The following RPS19 variants were observed in gnomAD, a reference collection of about 807,000 sequenced individuals.
RPS19 encodes the protein ribosomal protein S19, also known as small ribosomal subunit protein eS19.
A neutral mutation model predicts 20.3 loss-of-function variants in RPS19; 1 was observed. The ratio of observed to expected loss-of-function variants is 0.05; its 90% CI spans 0.02 to 0.23. The LOEUF is 0.23. RPS19 is among the 10% of genes least tolerant of loss of function. RPS19 has a pLI of 1.00. For synonymous variants in RPS19, 87 were observed against 74.8 expected (o/e 1.16, Z -0.84); for missense variants, 111 against 192.7 (o/e 0.58, Z 2.51).
chr19:41,867,483 TG>T (rs1393765720), intron 3 of RPS19, among the ~76,000 whole-genome samples: 3 of 152,050 alleles, frequency 2.0e-5, no homozygotes, highest in African/African-American at 7.2e-5. Flanking sequence ...CTAATTTTCT[TG>T]TAATTTCAGT....
rs777408503 is a variant in RPS19 at position 41,869,443 on chromosome 19, G to A, written c.356+229G>A. On this transcript the variant is annotated intron_variant, in intron 4 of 5. Transcript: ENST00000598742. ...ATTTAGCGACTATCTGCTTTCATTA[G>A]CCTGCTCGTTAACTTTTCCCAATTG... is the stretch of plus-strand genomic sequence containing the variant. Among the ~76,000 whole-genome samples, 29 of 152,326 alleles carry A rather than the reference G, an allele frequency of 1.9e-4. 2 individuals are homozygous for A. The highest frequency in any genetic ancestry group is 3.7e-4 in the Non-Finnish European group (25 of 68,026).
In RPS19 at chr19:41,865,226, G is replaced by A. The variant is rs984905440; in HGVS notation, c.173-3805G>A. ...TACTAAAAATAAAAATTAGCCAGGC[G>A]TGGTAGCAGGCGCCTGTAGTCCCAG... On this transcript the variant is annotated intron_variant, in intron 3 of 5. Coordinates refer to ENST00000598742, the MANE Select transcript of RPS19 (RefSeq NM_001022.4). Among the ~76,000 whole-genome samples the A allele has an allele frequency of 1.1e-4, 17 of 151,826 alleles. No homozygotes were observed. In the East Asian group the frequency reaches 1.7e-3, roughly 16 times the overall value.
rs187990365 is a variant in RPS19, at chr19:41,871,220, T to C, written c.412-131T>C. On this transcript the variant is annotated intron_variant, in intron 5 of 5. Transcript: ENST00000598742. Reference sequence around the variant, plus strand: ...AATGGGGGAATACCCACAGTGAGAATTAGATGAGATAGATGCATTTGAAAC... The same window carrying C: ...AATGGGGGAATACCCACAGTGAGAACTAGATGAGATAGATGCATTTGAAAC... 2.8e-3 allele frequency: 2,230 copies of C among 806,928 alleles called. 3 individuals carry two copies. The highest frequency in any genetic ancestry group is 3.3e-3 in the Non-Finnish European group (1,492 of 447,256). 50.0% of individuals were successfully genotyped at this position (806,928 alleles called of 1,614,324 possible).
At chr19:41,866,860 C>G (rs1277032664) in intron 3 of RPS19, among the ~76,000 whole-genome samples, 2 of 151,650 alleles carry the variant, frequency 1.3e-5, no homozygotes, top group Non-Finnish European at 2.9e-5. Flanking sequence ...ACTAAAAATA[C>G]AAAAAAATTA....
Position 41,871,504 on chromosome 19 carries a change from C to A in RPS19, c.*127C>A. 1.3e-6 allele frequency: 1 copy of A among 798,564 alleles called. No individual in the cohort carries two copies. The highest frequency in any genetic ancestry group is 2.7e-5 in the East Asian group (1 of 37,106). 49.5% of individuals were successfully genotyped at this position (798,564 alleles called of 1,614,324 possible). ...CCATCTCAGCTCACTGCAATCTCCG[C>A]CTTCTGGGTTCAAATGATTCTCCTG... On this transcript the variant is annotated 3_prime_UTR_variant, in exon 6 of 6. Coordinates refer to ENST00000598742, the MANE Select transcript of RPS19 (RefSeq NM_001022.4).
chr19:41,861,308 A>G (rs2074029424), intron 3 of RPS19, 96 bp downstream of exon 3: 1 of 885,698 alleles, frequency 1.1e-6, no homozygotes, highest in Non-Finnish European at 1.9e-6. Flanking sequence ...TTCCCGCCCC[A>G]AGAGGGAGAG....
chr19:41,867,139 G>A (rs1380010894), intron 3 of RPS19, among the ~76,000 whole-genome samples: 1 of 151,280 alleles, frequency 6.6e-6, no homozygotes, highest in Non-Finnish European at 1.5e-5. Flanking sequence ...TGGCAAAACC[G>A]GGTCTCTTCA....
At chr19:41,862,317 C>T (rs1378523395) in intron 3 of RPS19, among the ~76,000 whole-genome samples, 1 of 152,184 alleles carries the variant, frequency 6.6e-6, no homozygotes, top group Non-Finnish European at 1.5e-5. Context: ...CAGCATAACT[C>T]AGCCGCGGCC....
At chr19:41,868,563 C>G in intron 3 of RPS19, among the ~76,000 whole-genome samples, 1 of 152,158 alleles carries the variant, frequency 6.6e-6, no homozygotes, top group African/African-American at 2.4e-5. Flanking sequence ...GCCAGCCTTC[C>G]CTGTGTCTGC....
chr19:41,868,263 TC>T (rs567829487), intron 3 of RPS19, among the ~76,000 whole-genome samples: 68 of 152,260 alleles, frequency 4.5e-4, no homozygotes, highest in African/African-American at 1.5e-3. Context: ...ACAGGGCAGT[TC>T]CTCCAGAGCT....
Position 41,872,203 on chromosome 19 carries a change from A to C in RPS19, c.*826A>C, listed in dbSNP as rs1555842172. On this transcript the variant is annotated 3_prime_UTR_variant, in exon 6 of 6. Transcript: ENST00000598742. The stretch of plus-strand genomic sequence containing the variant: ...ATTGGGCACCTGGTCAGGCTGGGAG[A>C]TCCAAATAGCACCCAGTGGGCAGCT... The C allele has an allele frequency of 6.6e-6, 1 of 152,236 alleles. No individual in the cohort carries two copies. Among genetic ancestry groups the C allele is most frequent in the African/African-American group, 2.4e-5 (1 of 41,438 alleles). 9.4% of individuals were successfully genotyped at this position (152,236 alleles called of 1,614,324 possible).
chr19:41,870,016 G>A (rs1408988181), intron 5 of RPS19, among the ~76,000 whole-genome samples: 7 of 152,138 alleles, frequency 4.6e-5, no homozygotes, highest in Admixed American at 1.3e-4. Context: ...GCCGAGGCAG[G>A]CGAATTATCT....
Position 41,871,543 on chromosome 19 carries a change from A to C in RPS19, c.*166A>C. On this transcript the variant is annotated 3_prime_UTR_variant, in exon 6 of 6. Transcript: ENST00000598742. ...ATGATTCTCCTGCCTCAGCCTCCCA[A>C]AGTGCTGGGATTACAAGTGTGAGCC... 5 of 626,752 alleles carry C rather than the reference A, an allele frequency of 8.0e-6. No individual in the cohort carries two copies. Among genetic ancestry groups the C allele is most frequent in the African/African-American group, 1.9e-5 (1 of 53,444 alleles). 38.8% of individuals were successfully genotyped at this position (626,752 alleles called of 1,614,324 possible).
At chr19:41,864,699 G>A (rs2074067028) in intron 3 of RPS19, 1 of 152,296 alleles carries the variant, frequency 6.6e-6, no homozygotes, top group African/African-American at 2.4e-5. Flanking sequence ...GTTCCTGAGA[G>A]GAGTGGGTTG....
At chr19:41,862,812 C>G (rs1294812306) in intron 3 of RPS19, among the ~76,000 whole-genome samples, 5 of 152,170 alleles carry the variant, frequency 3.3e-5, no homozygotes, top group Non-Finnish European at 5.9e-5. Context: ...GCCTACTGAT[C>G]TCCATCACTT....
intron 5 of RPS19, 79 bp from the exon 6 acceptor site, chr19:41,871,272 G>A (rs2074146543): frequency 2.4e-6 from 3 of 1,269,896 alleles, no homozygotes; most frequent in East Asian, 2.3e-5. Context: ...CACCTGTGGT[G>A]GGTAGTTAGG....
intron 2 of RPS19, 119 bp downstream of exon 2, chr19:41,860,964 T>C (rs2074023649): frequency 8.8e-7 from 1 of 1,139,904 alleles, no homozygotes; most frequent in African/African-American, 1.5e-5. Flanking sequence ...CCGTGGCTCC[T>C]TTCAGCGTGA....
intron 3 of RPS19, among the ~76,000 whole-genome samples, chr19:41,868,023 C>T (rs1555841058): frequency 6.6e-6 from 1 of 152,172 alleles, no homozygotes; most frequent in Admixed American, 6.6e-5. Flanking sequence ...CCACCCCACA[C>T]AGACTACTGC....
chr19:41,866,020 G>A (rs1458301954), intron 3 of RPS19, among the ~76,000 whole-genome samples: 4 of 150,588 alleles, frequency 2.7e-5, no homozygotes, highest in African/African-American at 7.3e-5. Context: ...TTGGGAGGCC[G>A]AGGCGGGCGG....
Sources: allele counts gnomAD v4.1 joint callset (sites outside exome capture counted in the v4.1 genomes callset), GRCh38; gene constraint gnomAD v4.1.1; transcripts MANE v1.5; gene names NCBI Gene and HGNC (gene_info 2026-07-23, HGNC 2026-07-21).